BCL2L11: variants seen among roughly 807,000 people sequenced by gnomAD.
The protein encoded by BCL2L11 is BCL2 like 11.
Under a neutral mutation model 20.6 loss-of-function variants are expected in BCL2L11, and 15 were observed. The ratio of observed to expected loss-of-function variants is 0.73; its 90% CI spans 0.49 to 1.12. BCL2L11 has a LOEUF of 1.12. BCL2L11 is among the 50% of genes most tolerant of loss of function. The pLI, the probability that BCL2L11 is intolerant of heterozygous loss-of-function variation, is 0.00. For missense variants in BCL2L11, 292 were observed against 260.9 expected, an observed-to-expected ratio of 1.12 and a Z score of -0.82; for synonymous variants, 108 against 92.8, an observed-to-expected ratio of 1.16 and a Z score of -0.94.
At chr2:111,127,593 T>A (rs2150266626) in intron 2 of BCL2L11, among the ~76,000 whole-genome samples, 1 of 152,152 alleles carries the variant, frequency 6.6e-6, no homozygotes, top group South Asian at 2.1e-4. Context: ...TCAGTCCAGC[T>A]CTGCCTGTTA....
intron 2 of BCL2L11, among the ~76,000 whole-genome samples, chr2:111,140,571 G>T (rs1205862626): frequency 6.6e-6 from 1 of 152,214 alleles, no homozygotes; most frequent in Non-Finnish European, 1.5e-5. Context: ...CTGATTTGTT[G>T]AGTGAGTTAC....
intron 3 of BCL2L11, 64 bp downstream of exon 3, chr2:111,150,211 A>T: frequency 6.4e-7 from 1 of 1,565,886 alleles, no homozygotes; most frequent in South Asian, 1.2e-5. Flanking sequence ...ATATTTTTTT[A>T]AAAAGACAGT....
intron 2 of BCL2L11, 95 bp from the exon 3 acceptor site, chr2:111,149,949 G>A: frequency 1.0e-6 from 1 of 996,194 alleles, no homozygotes; most frequent in Admixed American, 2.3e-5. Context: ...GAAAGAGTGT[G>A]TGAGATGGGC....
chr2:111,154,698 G>A (rs999009323), intron 3 of BCL2L11, among the ~76,000 whole-genome samples: 20 of 152,324 alleles, frequency 1.3e-4, no homozygotes, highest in South Asian at 6.2e-4. Flanking sequence ...TTGGATCAAA[G>A]ATCTTCCACA....
At chr2:111,145,133 A>G (rs932735593) in intron 2 of BCL2L11, among the ~76,000 whole-genome samples, 2 of 152,152 alleles carry the variant, frequency 1.3e-5, no homozygotes, top group Non-Finnish European at 2.9e-5. Flanking sequence ...GTTCCTGTGA[A>G]TTTTAATTTG....
chr2:111,137,633 C>CT (rs575699231), intron 2 of BCL2L11, among the ~76,000 whole-genome samples: 1,867 of 132,904 alleles, frequency 0.014, 30 homozygotes, highest in African/African-American at 0.036. Context: ...TTCCTCCCCA[C>CT]TTTTTTTTTT....
intron 2 of BCL2L11, chr2:111,144,452 A>G: frequency 6.5e-7 from 1 of 1,550,230 alleles, no homozygotes; most frequent in South Asian, 1.2e-5. Flanking sequence ...CATTTACCGC[A>G]AACGCTGATG....
At chr2:111,151,665 T>C (rs2077274758) in intron 3 of BCL2L11, among the ~76,000 whole-genome samples, 1 of 152,228 alleles carries the variant, frequency 6.6e-6, no homozygotes, top group South Asian at 2.1e-4. Flanking sequence ...TATCAGTTCT[T>C]CAGTATGGAA....
At chr2:111,139,460 G>A (rs777362650) in intron 2 of BCL2L11, among the ~76,000 whole-genome samples, 6 of 152,204 alleles carry the variant, frequency 3.9e-5, no homozygotes, top group African/African-American at 9.7e-5. Flanking sequence ...TTGGTTGCTC[G>A]TGGATTTAAC....
At chr2:111,133,197 TAACTC>T (rs367572906) in intron 2 of BCL2L11, among the ~76,000 whole-genome samples, 1,726 of 152,330 alleles carry the variant, frequency 0.011, 13 homozygotes, top group Middle Eastern at 0.034. Flanking sequence ...AAGCTATAAA[TAACTC>T]AAAAGCAAAA....
intron 2 of BCL2L11, among the ~76,000 whole-genome samples, chr2:111,138,058 G>A (rs2075223182): frequency 1.4e-5 from 2 of 145,742 alleles, no homozygotes; most frequent in South Asian, 4.3e-4. Flanking sequence ...ACCCAGGCTG[G>A]AATGCAGTGC....
chr2:111,142,861 A>G (rs1456613281), intron 2 of BCL2L11, among the ~76,000 whole-genome samples: 1 of 152,206 alleles, frequency 6.6e-6, no homozygotes, highest in Non-Finnish European at 1.5e-5. Context: ...TTTTTTGGCT[A>G]GAAACAACTT....
chr2:111,167,318 AGT>A lies in BCL2L11; in HGVS notation c.*3094_*3095del, dbSNP rs1192509332. 1 of 152,146 alleles carries A rather than the reference AGT, an allele frequency of 6.6e-6. No homozygotes were observed. Among genetic ancestry groups the A allele is most frequent in the African/African-American group, 2.4e-5 (1 of 41,406 alleles). The allele number at this position is 152,146 out of a possible 1,614,324, so 9.4% of individuals were successfully genotyped here. A position where few individuals can be genotyped will look rare whatever the true frequency, so the allele number is the denominator to read the frequency against. On this transcript the variant is annotated 3_prime_UTR_variant, in exon 4 of 4. Coordinates refer to ENST00000393256, the MANE Select transcript of BCL2L11 (RefSeq NM_138621.5). ...TTGGGCTTTGCCGCCCTTATGATGA[AGT>A]GTGTGTTTGATGCCAGTGAGAAACT...
chr2:111,151,681 G>A (rs2077276822), intron 3 of BCL2L11: 2 of 719,238 alleles, frequency 2.8e-6, no homozygotes, highest in Non-Finnish European at 4.9e-6. Flanking sequence ...TGGAATTTCT[G>A]TAAGAGTCAA....
intron 2 of BCL2L11, among the ~76,000 whole-genome samples, chr2:111,147,486 C>G (rs2076713288): frequency 6.6e-6 from 1 of 152,050 alleles, no homozygotes; most frequent in South Asian, 2.1e-4. Context: ...TCTTTTTGTA[C>G]AAGAAACAGG....
In BCL2L11 at chr2:111,166,300, C is replaced by G. The variant is rs900294596; in HGVS notation, c.*2069C>G. 6.5e-6 allele frequency: 1 copy of G among 152,730 alleles called. No homozygotes were observed. Among genetic ancestry groups the G allele is most frequent in the Non-Finnish European group, 1.5e-5 (1 of 68,074 alleles). The allele number at this position is 152,730 out of a possible 1,614,324, so 9.5% of individuals were successfully genotyped here. A position where few individuals can be genotyped will look rare whatever the true frequency, so the allele number is the denominator to read the frequency against. ...ACTGGGTGCAGCCCTGGGCCAGGCA[C>G]GGGAGGCCCTGCCCTGTGCTGCCCA... On this transcript the variant is annotated 3_prime_UTR_variant, in exon 4 of 4. Coordinates refer to ENST00000393256, the MANE Select transcript of BCL2L11 (RefSeq NM_138621.5).
intron 2 of BCL2L11, among the ~76,000 whole-genome samples, chr2:111,138,006 T>G (rs1258876190): frequency 1.4e-5 from 2 of 138,522 alleles, no homozygotes; most frequent in Non-Finnish European, 3.1e-5. Flanking sequence ...CTTTCTTTCT[T>G]TCTTTCTTTT....
intron 2 of BCL2L11, among the ~76,000 whole-genome samples, chr2:111,126,535 G>A (rs1025424159): frequency 6.6e-6 from 1 of 152,064 alleles, no homozygotes; most frequent in Non-Finnish European, 1.5e-5. Flanking sequence ...GATGAGTTGG[G>A]GTTGGGGGAG....
chr2:111,153,815 T>C, intron 3 of BCL2L11: 4 of 1,552,128 alleles, frequency 2.6e-6, no homozygotes, highest in Non-Finnish European at 1.7e-6. Flanking sequence ...GTAGTTGTCA[T>C]GTATTCAGTC....
Sources: allele counts gnomAD v4.1 joint callset (sites outside exome capture counted in the v4.1 genomes callset), GRCh38; gene constraint gnomAD v4.1.1; transcripts MANE v1.5; gene names NCBI Gene and HGNC (gene_info 2026-07-23, HGNC 2026-07-21).